NPSR1: variants seen among roughly 807,000 people sequenced by gnomAD.
NPSR1 encodes the protein neuropeptide S receptor 1, also known as neuropeptide S receptor.
NPSR1 carries 48 observed loss-of-function variants against 46.9 expected under a neutral mutation model. The ratio of observed to expected loss-of-function variants is 1.02; its 90% confidence interval spans 0.81 to 1.30. The LOEUF is 1.30. Ranked by LOEUF, NPSR1 falls within the 50% of genes most tolerant of loss-of-function variation. The probability of loss-of-function intolerance (pLI) is 0.00; values close to 1 mark genes in which losing one functional copy is unlikely to be tolerated. For synonymous variants in NPSR1, 176 were observed against 168.1 expected (o/e 1.05, Z -0.36); for missense variants, 450 against 449.5 (o/e 1.00, Z -0.01).
At chr7:34,826,887 CAAA>C (rs58951477) in intron 4 of NPSR1, among the ~76,000 whole-genome samples, 3 of 140,808 alleles carry the variant, frequency 2.1e-5, no homozygotes, top group Non-Finnish European at 1.6e-5. Flanking sequence ...ATGTTCCTAC[CAAA>C]AAAAAAAAAA....
rs537617732 is a variant in NPSR1, at chr7:34,708,325, A to T, written c.280+23641A>T. On this transcript the variant is annotated intron_variant, in intron 2 of 8. Coordinates refer to ENST00000360581, the MANE Select transcript of NPSR1 (RefSeq NM_207172.2). ...TGCATGTGCCTCACTGACATAACTAAGTTATAGGGTCATATTTGAACTAAT... is the reference window on the plus strand; with the variant it reads ...TGCATGTGCCTCACTGACATAACTATGTTATAGGGTCATATTTGAACTAAT... Among the ~76,000 whole-genome samples the T allele has an allele frequency of 3.3e-4, 50 of 152,328 alleles. 1 individual carries two copies. The highest frequency in any genetic ancestry group is 6.0e-4 in the Non-Finnish European group (41 of 68,030).
At chr7:34,821,098 T>C (rs1213054521) in intron 4 of NPSR1, among the ~76,000 whole-genome samples, 2 of 151,870 alleles carry the variant, frequency 1.3e-5, no homozygotes, top group Admixed American at 1.3e-4. Context: ...AACTTTATTT[T>C]TGGTTTACAT....
At chr7:34,835,233 T>A (rs2128760277) in intron 6 of NPSR1, among the ~76,000 whole-genome samples, 1 of 152,194 alleles carries the variant, frequency 6.6e-6, no homozygotes, top group Non-Finnish European at 1.5e-5. Context: ...CCCCTCCCAT[T>A]CCTTGTGCAC....
At chr7:34,797,540 G>T (rs1322488780) in intron 3 of NPSR1, among the ~76,000 whole-genome samples, 2 of 151,972 alleles carry the variant, frequency 1.3e-5, no homozygotes, top group East Asian at 3.9e-4. Context: ...AGAACTGTGG[G>T]ACAATTACAC....
At chr7:34,701,502 T>C in intron 2 of NPSR1, among the ~76,000 whole-genome samples, 1 of 152,156 alleles carries the variant, frequency 6.6e-6, no homozygotes, top group Non-Finnish European at 1.5e-5. Context: ...CTCTCAAATC[T>C]CTTTTAGGAG....
intron 2 of NPSR1, among the ~76,000 whole-genome samples, chr7:34,725,636 T>C (rs886711135): frequency 9.2e-5 from 14 of 152,326 alleles, no homozygotes; most frequent in Middle Eastern, 6.8e-3. Context: ...GTGGAGAGAC[T>C]CTTTTCCGCC....
chr7:34,848,622 C>G lies in NPSR1; in HGVS notation c.984C>G (p.Leu328=). The change falls in exon 8 of 9, where the codon CTC becomes CTG. Residue 328 remains leucine, a synonymous_variant. Coordinates refer to ENST00000360581, the MANE Select transcript of NPSR1 (RefSeq NM_207172.2). ...LPALNSAINP[L]IYCVFSSSIS... ...CATTGAATAGTGCCATCAACCCCCT[C>G]ATCTACTGTGTCTTCAGCAGCTCCA... 6.2e-7 allele frequency: 1 copy of G among 1,614,214 alleles called. No homozygotes were observed. The highest frequency in any genetic ancestry group is 8.5e-7 in the Non-Finnish European group (1 of 1,180,038).
chr7:34,731,270 A>G (rs1024678647), intron 2 of NPSR1, among the ~76,000 whole-genome samples: 2 of 152,160 alleles, frequency 1.3e-5, no homozygotes, highest in Non-Finnish European at 2.9e-5. Context: ...TACAAGAATA[A>G]ATACAAATAT....
chr7:34,703,243 C>T (rs1050225730), intron 2 of NPSR1, among the ~76,000 whole-genome samples: 16 of 152,142 alleles, frequency 1.1e-4, no homozygotes, highest in African/African-American at 3.4e-4. Context: ...CGATGGCAGG[C>T]GCCTGTAGTC....
At chr7:34,874,766 T>TAAC (rs950532662) in intron 8 of NPSR1, among the ~76,000 whole-genome samples, 11 of 151,980 alleles carry the variant, frequency 7.2e-5, no homozygotes. Context: ...CATGAGAAAC[T>TAAC]AACAGGAAAA....
intron 2 of NPSR1, chr7:34,751,920 A>G: frequency 7.1e-7 from 1 of 1,415,258 alleles, no homozygotes; most frequent in Non-Finnish European, 1.0e-6. Context: ...TCACTCAAAC[A>G]ACTTGTGTTC....
chr7:34,741,384 T>C (rs952098872), intron 2 of NPSR1, among the ~76,000 whole-genome samples: 1 of 152,230 alleles, frequency 6.6e-6, no homozygotes, highest in East Asian at 1.9e-4. Context: ...TTTGATTTAC[T>C]TGTACATATT....
intron 2 of NPSR1, chr7:34,719,181 T>C (rs1158397224): frequency 6.6e-6 from 1 of 152,274 alleles, no homozygotes; most frequent in Non-Finnish European, 1.5e-5. Flanking sequence ...CAATACCTAA[T>C]AACTGCCTGT....
At chr7:34,793,014 G>C (rs949240223) in intron 3 of NPSR1, among the ~76,000 whole-genome samples, 1 of 151,416 alleles carries the variant, frequency 6.6e-6, no homozygotes, top group Non-Finnish European at 1.5e-5. Flanking sequence ...GCAAGACCCT[G>C]TCTCTACAAA....
chr7:34,700,651 A>C (rs1023211219), intron 2 of NPSR1, among the ~76,000 whole-genome samples: 5 of 152,190 alleles, frequency 3.3e-5, no homozygotes, highest in Admixed American at 3.3e-4. Context: ...ATTTTCCACA[A>C]ACTCACCTCT....
At position 34,857,531 on chromosome 7, in the gene NPSR1, A is replaced by G. The variant is rs911347743; in HGVS notation, c.1025+8868A>G. Among the ~76,000 whole-genome samples, 29 of 151,854 alleles carry G rather than the reference A, an allele frequency of 1.9e-4. 1 individual carries two copies. Among genetic ancestry groups the G allele is most frequent in the African/African-American group, 6.6e-4 (27 of 41,150 alleles). Reference sequence around the variant, plus strand: ...GAAAGGGTGTTCTTTTCAATTATATAAAAAATTGGACATTTATGTGGGAGA... The same window carrying G: ...GAAAGGGTGTTCTTTTCAATTATATGAAAAATTGGACATTTATGTGGGAGA... On this transcript the variant is annotated intron_variant, in intron 8 of 8. Coordinates refer to the NPSR1 transcript ENST00000359791.
intron 2 of NPSR1, among the ~76,000 whole-genome samples, chr7:34,736,636 T>G (rs1784680212): frequency 6.6e-6 from 1 of 152,160 alleles, no homozygotes; most frequent in Admixed American, 6.6e-5. Context: ...CATCTCACTC[T>G]GTTGCCCAGG....
At chr7:34,833,054 A>G (rs1790193292) in intron 5 of NPSR1, among the ~76,000 whole-genome samples, 1 of 152,246 alleles carries the variant, frequency 6.6e-6, no homozygotes. Flanking sequence ...GGGTTCACTC[A>G]GCAAGAATGG....
intron 2 of NPSR1, among the ~76,000 whole-genome samples, chr7:34,706,651 T>C (rs992642103): frequency 1.3e-5 from 2 of 152,178 alleles, no homozygotes; most frequent in Non-Finnish European, 2.9e-5. Flanking sequence ...TGTCTTATTA[T>C]CTCGTCTTTC....
Sources: gnomAD v4.1 joint callset for allele counts (sites outside exome capture counted in the v4.1 genomes callset) on GRCh38, gnomAD v4.1.1 for gene constraint, MANE v1.5 for transcripts, NCBI Gene and HGNC (gene_info 2026-07-23, HGNC 2026-07-21) for gene names.